Variants in KCTD8 observed in about 807,000 individuals in gnomAD.
KCTD8 encodes the protein BTB/POZ domain-containing protein KCTD8.
A neutral mutation model predicts 31.5 loss-of-function variants in KCTD8; 27 were observed. That is an observed-to-expected ratio of 0.86 (90% CI 0.63 to 1.18). KCTD8 has a LOEUF of 1.18. Among genes scored for constraint, KCTD8 ranks in the 50% most tolerant of loss-of-function variants. The probability of loss-of-function intolerance (pLI) is 0.00; values close to 1 mark genes in which losing one functional copy is unlikely to be tolerated. For missense variants in KCTD8, 658 were observed against 647.7 expected (o/e 1.02, Z -0.17); for synonymous variants, 290 against 280.0 (o/e 1.04, Z -0.36).
intron 1 of KCTD8, among the ~76,000 whole-genome samples, chr4:44,391,345 C>G (rs1212782809): frequency 6.6e-6 from 1 of 151,754 alleles, no homozygotes; most frequent in African/African-American, 2.4e-5. Context: ...AGAGTTATAT[C>G]AATTGTGCCC....
At chr4:44,398,786 C>T (rs184262585) in intron 1 of KCTD8, among the ~76,000 whole-genome samples, 27 of 152,218 alleles carry the variant, frequency 1.8e-4, no homozygotes, top group Non-Finnish European at 3.4e-4. Flanking sequence ...CGGCATACCC[C>T]ACATGGAAGA....
At chr4:44,297,883 A>G (rs1261566012) in intron 1 of KCTD8, among the ~76,000 whole-genome samples, 2 of 152,180 alleles carry the variant, frequency 1.3e-5, no homozygotes, top group African/African-American at 4.8e-5. Context: ...TCCATGGAAT[A>G]TTTTACCTCT....
At chr4:44,278,643 G>A (rs1001612102) in intron 1 of KCTD8, among the ~76,000 whole-genome samples, 10 of 151,934 alleles carry the variant, frequency 6.6e-5, no homozygotes, top group Non-Finnish European at 1.3e-4. Flanking sequence ...CTTGGAAAAC[G>A]CATCACATTC....
intron 1 of KCTD8, among the ~76,000 whole-genome samples, chr4:44,203,048 T>G (rs1373418948): frequency 6.6e-6 from 1 of 152,142 alleles, no homozygotes; most frequent in East Asian, 1.9e-4. Flanking sequence ...CATTTGATAA[T>G]GGGCCATGCT....
At chr4:44,292,728 AG>A (rs1460202946) in intron 1 of KCTD8, among the ~76,000 whole-genome samples, 1 of 152,164 alleles carries the variant, frequency 6.6e-6, no homozygotes, top group Non-Finnish European at 1.5e-5. Context: ...AAAAAAGTCT[AG>A]GAAGTATCAA....
At chr4:44,201,584 G>A (rs1714151542) in intron 1 of KCTD8, among the ~76,000 whole-genome samples, 1 of 151,996 alleles carries the variant, frequency 6.6e-6, no homozygotes, top group African/African-American at 2.4e-5. Flanking sequence ...ACGATGTTGG[G>A]ATAACTGGCT....
intron 1 of KCTD8, among the ~76,000 whole-genome samples, chr4:44,252,887 C>T (rs781271974): frequency 2.0e-5 from 3 of 151,592 alleles, no homozygotes; most frequent in African/African-American, 2.4e-5. Context: ...TGCAACAGCT[C>T]GAATAATATA....
At chr4:44,213,421 A>G (rs1165055922) in intron 1 of KCTD8, among the ~76,000 whole-genome samples, 1 of 152,206 alleles carries the variant, frequency 6.6e-6, no homozygotes, top group Non-Finnish European at 1.5e-5. Flanking sequence ...CAGGGGTGGC[A>G]GTAGAACTCA....
intron 1 of KCTD8, among the ~76,000 whole-genome samples, chr4:44,194,160 T>C (rs1242141664): frequency 6.6e-6 from 1 of 152,178 alleles, no homozygotes; most frequent in East Asian, 1.9e-4. Context: ...TCCAGAAAGG[T>C]TCTGACATAA....
intron 1 of KCTD8, among the ~76,000 whole-genome samples, chr4:44,230,261 A>T (rs1267718543): frequency 6.6e-6 from 1 of 152,180 alleles, no homozygotes; most frequent in South Asian, 2.1e-4. Flanking sequence ...ATGGAAGGTA[A>T]AGTATTCATT....
At chr4:44,392,239 G>T (rs1043452628) in intron 1 of KCTD8, among the ~76,000 whole-genome samples, 4 of 151,884 alleles carry the variant, frequency 2.6e-5, no homozygotes, top group African/African-American at 9.7e-5. Flanking sequence ...CCTAAGAAAG[G>T]ACATTAAGAA....
At chr4:44,405,939 G>A (rs1024626840) in intron 1 of KCTD8, among the ~76,000 whole-genome samples, 1 of 151,912 alleles carries the variant, frequency 6.6e-6, no homozygotes, top group Non-Finnish European at 1.5e-5. Flanking sequence ...GAAGAAAAGG[G>A]TACCCATGCT....
At chr4:44,176,240 G>C (rs1713210446) in intron 1 of KCTD8, among the ~76,000 whole-genome samples, 1 of 152,204 alleles carries the variant, frequency 6.6e-6, no homozygotes, top group Non-Finnish European at 1.5e-5. Flanking sequence ...AGGCATCAGT[G>C]TTTTTAAACA....
At chr4:44,338,148 A>T (rs1718805332) in intron 1 of KCTD8, among the ~76,000 whole-genome samples, 1 of 152,168 alleles carries the variant, frequency 6.6e-6, no homozygotes, top group South Asian at 2.1e-4. Flanking sequence ...AATGTTAACA[A>T]TAGTAATCTA....
chr4:44,367,647 CATT>C (rs1243579748), intron 1 of KCTD8, among the ~76,000 whole-genome samples: 1 of 152,016 alleles, frequency 6.6e-6, no homozygotes, highest in African/African-American at 2.4e-5. Flanking sequence ...CTAAATGTGT[CATT>C]GTTGAAAACC....
chr4:44,350,596 CA>C (rs2109424420), intron 1 of KCTD8, among the ~76,000 whole-genome samples: 1 of 152,178 alleles, frequency 6.6e-6, no homozygotes, highest in East Asian at 1.9e-4. Context: ...CTAACAACTC[CA>C]AAAATTTTTT....
At chr4:44,178,324 C>T (rs1452985503) in intron 1 of KCTD8, among the ~76,000 whole-genome samples, 1 of 151,932 alleles carries the variant, frequency 6.6e-6, no homozygotes, top group African/African-American at 2.4e-5. Context: ...GTTTTCAGTT[C>T]AGTGTGAAGG....
At chr4:44,446,757 CTCTT>C (rs1423530786) in intron 1 of KCTD8, among the ~76,000 whole-genome samples, 1 of 152,196 alleles carries the variant, frequency 6.6e-6, no homozygotes, top group Non-Finnish European at 1.5e-5. Flanking sequence ...CAATCATTCT[CTCTT>C]TCTCTTCCCC....
chr4:44,427,960 T>A (rs538212442), intron 1 of KCTD8, among the ~76,000 whole-genome samples: 4 of 151,794 alleles, frequency 2.6e-5, no homozygotes, highest in Non-Finnish European at 5.9e-5. Flanking sequence ...CGTACAATGT[T>A]TCCCTTGTCA....
Sources: gnomAD v4.1 joint callset for allele counts (sites outside exome capture counted in the v4.1 genomes callset) on GRCh38, gnomAD v4.1.1 for gene constraint, MANE v1.5 for transcripts, NCBI Gene and HGNC (gene_info 2026-07-23, HGNC 2026-07-21) for gene names.